The following PHYHIPL variants were observed in gnomAD, a reference collection of about 807,000 sequenced individuals.
PHYHIPL encodes the protein phytanoyl-CoA 2-hydroxylase interacting protein like.
A neutral mutation model predicts 33.4 loss-of-function variants in PHYHIPL; 9 were observed. The ratio of observed to expected loss-of-function variants is 0.27; its 90% CI spans 0.16 to 0.47. The LOEUF (loss-of-function observed/expected upper bound fraction) is 0.47, where lower values mean the gene tolerates loss of function less well. PHYHIPL is among the 20% of genes least tolerant of loss of function. The probability of loss-of-function intolerance (pLI) is 0.99; values close to 1 mark genes in which losing one functional copy is unlikely to be tolerated. For synonymous variants in PHYHIPL, 153 were observed against 154.1 expected (o/e 0.99, Z 0.05); for missense variants, 365 against 460.7 (o/e 0.79, Z 1.90).
intron 1 of PHYHIPL, among the ~76,000 whole-genome samples, chr10:59,206,128 C>T (rs139420855): frequency 4.9e-4 from 75 of 152,226 alleles, no homozygotes; most frequent in African/African-American, 1.8e-3. Flanking sequence ...TGAATCTATC[C>T]CTTATTTTCT....
Position 59,209,301 on chromosome 10 carries a change from A to G in PHYHIPL, c.107-25003A>G, listed in dbSNP as rs560094103. On this transcript the variant is annotated intron_variant, in intron 1 of 4. Coordinates refer to ENST00000373880, the MANE Select transcript of PHYHIPL (RefSeq NM_032439.4). ...ACATTCTTAAAGAAAAGAATTTTCAATCCAGAATTTCATATCCAGCCAAAT... is the reference window on the plus strand; with the variant it reads ...ACATTCTTAAAGAAAAGAATTTTCAGTCCAGAATTTCATATCCAGCCAAAT... Among the ~76,000 whole-genome samples the G allele has an allele frequency of 1.7e-3, 262 of 152,296 alleles. 2 individuals are homozygous for G. Among genetic ancestry groups the G allele is most frequent in the South Asian group, 4.4e-3 (21 of 4,824 alleles).
In PHYHIPL at chr10:59,176,698, C is replaced by T. The variant is rs895333986; in HGVS notation, c.-156C>T. On this transcript the variant is annotated 5_prime_UTR_variant, in exon 1 of 5. Coordinates refer to ENST00000373880, the MANE Select transcript of PHYHIPL (RefSeq NM_032439.4). ...CAGCCGTCGCCTTCGCGGCGGCTCT[C>T]CAGCCCCGCGCCTCAGCCTCGGCGC... The T allele has an allele frequency of 2.4e-5, 16 of 658,256 alleles. No homozygotes were observed. The Admixed American group carries it at 4.8e-4, about 20-fold the overall frequency. 40.8% of individuals were successfully genotyped at this position (658,256 alleles called of 1,614,324 possible). A position where few individuals can be genotyped will look rare whatever the true frequency, so the allele number is the denominator to read the frequency against.
chr10:59,192,317 A>C (rs1838804034), intron 1 of PHYHIPL, among the ~76,000 whole-genome samples: 1 of 152,152 alleles, frequency 6.6e-6, no homozygotes, highest in African/African-American at 2.4e-5. Flanking sequence ...GTCATTGGTC[A>C]GTGGTTCTCA....
chr10:59,221,053 C>G (rs1839757095), intron 1 of PHYHIPL, among the ~76,000 whole-genome samples: 1 of 151,852 alleles, frequency 6.6e-6, no homozygotes, highest in South Asian at 2.1e-4. Flanking sequence ...ACCTTTTATG[C>G]CTTGATTTGC....
chr10:59,229,669 T>C (rs1840022070), intron 1 of PHYHIPL, among the ~76,000 whole-genome samples: 1 of 141,290 alleles, frequency 7.1e-6, no homozygotes, highest in South Asian at 2.3e-4. Context: ...AACAAATTCA[T>C]AGACAAAAAA....
At chr10:59,192,844 A>G (rs1838817483) in intron 1 of PHYHIPL, among the ~76,000 whole-genome samples, 1 of 152,128 alleles carries the variant, frequency 6.6e-6, no homozygotes, top group Non-Finnish European at 1.5e-5. Context: ...ACTGGGGGGA[A>G]TATTAAAGAG....
intron 4 of PHYHIPL, among the ~76,000 whole-genome samples, chr10:59,241,844 C>G (rs932599992): frequency 2.0e-5 from 3 of 151,876 alleles, no homozygotes; most frequent in Admixed American, 6.6e-5. Context: ...TAATGGGATA[C>G]AAAGATATCT....
chr10:59,213,202 A>G (rs1839515540), intron 1 of PHYHIPL, among the ~76,000 whole-genome samples: 1 of 152,158 alleles, frequency 6.6e-6, no homozygotes, highest in South Asian at 2.1e-4. Context: ...TCTCCAATGC[A>G]CTTTCTTCAG....
Position 59,245,404 on chromosome 10 carries a change from A to G in PHYHIPL, c.944A>G (p.Glu315Gly), listed in dbSNP as rs1301505085. 6.2e-7 allele frequency: 1 copy of G among 1,614,128 alleles called. No individual in the cohort carries two copies. Among genetic ancestry groups the G allele is most frequent in the Non-Finnish European group, 8.5e-7 (1 of 1,180,020 alleles). The change falls in exon 5 of 5, where the codon GAA becomes GGA. Residue 315 changes from glutamate to glycine, a missense_variant. By Grantham distance (98) the Glu-to-Gly change is moderately conservative. Around this residue, in one of 4 missense-constraint regions of PHYHIPL, gnomAD observed 196 missense variants for 224.9 expected, o/e 0.87. Coordinates refer to ENST00000373880, the MANE Select transcript of PHYHIPL (RefSeq NM_032439.4). ...GATAATAAATTTTTGACCTGTACAG[A>G]AGAAGATGGGGTGCTGGTTTACCAC... ...SKDNKFLTCT[E>G]EDGVLVYHHA...
At position 59,214,262 on chromosome 10, in the gene PHYHIPL, G is replaced by T. The variant is rs184031724; in HGVS notation, c.107-20042G>T. On this transcript the variant is annotated intron_variant, in intron 1 of 4. Coordinates refer to ENST00000373880, the MANE Select transcript of PHYHIPL (RefSeq NM_032439.4). ...CTTAGTTATGACACAAAACTCTAAA[G>T]CCATAACAAGAAAGATTGATAAATT... Among the ~76,000 whole-genome samples the T allele has an allele frequency of 4.6e-5, 7 of 151,992 alleles. No homozygotes were observed. The East Asian group carries it at 1.4e-3, about 29-fold the overall frequency.
intron 1 of PHYHIPL, among the ~76,000 whole-genome samples, chr10:59,220,771 T>G (rs1028567441): frequency 1.3e-5 from 2 of 152,102 alleles, no homozygotes; most frequent in Non-Finnish European, 2.9e-5. Flanking sequence ...ATGCCAGGCC[T>G]CTTAGAATAA....
At chr10:59,229,777 T>G (rs1310699658) in intron 1 of PHYHIPL, among the ~76,000 whole-genome samples, 1 of 152,162 alleles carries the variant, frequency 6.6e-6, no homozygotes, top group Admixed American at 6.5e-5. Flanking sequence ...CTTGAACAGT[T>G]TGAACACTCA....
intron 1 of PHYHIPL, among the ~76,000 whole-genome samples, chr10:59,190,903 A>G (rs937556174): frequency 3.9e-5 from 6 of 151,914 alleles, no homozygotes; most frequent in African/African-American, 1.4e-4. Context: ...AGTGTAAAGG[A>G]TAGTTTAAAT....
intron 1 of PHYHIPL, among the ~76,000 whole-genome samples, chr10:59,233,799 A>G (rs1840146692): frequency 6.6e-6 from 1 of 151,900 alleles, no homozygotes; most frequent in African/African-American, 2.4e-5. Context: ...TATCCTTAAC[A>G]TAGTAACTTG....
intron 1 of PHYHIPL, among the ~76,000 whole-genome samples, chr10:59,203,153 GAC>G (rs1342198915): frequency 2.6e-5 from 4 of 152,080 alleles, no homozygotes; most frequent in Admixed American, 2.6e-4. Flanking sequence ...GCAGCCAACA[GAC>G]ACATGAAAAA....
chr10:59,174,171 C>G (rs557982744), upstream of PHYHIPL, among the ~76,000 whole-genome samples: 3 of 151,968 alleles, frequency 2.0e-5, no homozygotes, highest in South Asian at 6.2e-4. Flanking sequence ...ATTTCTAAAG[C>G]CACAACCCCT....
At chr10:59,223,314 C>G (rs971099211) in intron 1 of PHYHIPL, among the ~76,000 whole-genome samples, 1 of 152,190 alleles carries the variant, frequency 6.6e-6, no homozygotes, top group African/African-American at 2.4e-5. Context: ...TCTTGCAATT[C>G]ATTCTTGTCT....
chr10:59,186,446 T>A (rs776451032), intron 1 of PHYHIPL, among the ~76,000 whole-genome samples: 1 of 152,172 alleles, frequency 6.6e-6, no homozygotes, highest in Non-Finnish European at 1.5e-5. Flanking sequence ...CTCGGCAATG[T>A]GGGCTCTTTT....
chr10:59,191,306 G>A (rs1038455241), intron 1 of PHYHIPL, among the ~76,000 whole-genome samples: 1 of 151,794 alleles, frequency 6.6e-6, no homozygotes, highest in Admixed American at 6.6e-5. Context: ...TACATTTTCA[G>A]GTATGTACCA....
Sources: allele counts gnomAD v4.1 joint callset (sites outside exome capture counted in the v4.1 genomes callset), GRCh38; gene constraint gnomAD v4.1.1; regional missense constraint gnomAD v4.1.1; transcripts MANE v1.5; gene names NCBI Gene and HGNC (gene_info 2026-07-23, HGNC 2026-07-21).